The following KAZN variants were observed in gnomAD, a reference collection of about 807,000 sequenced individuals.
The protein encoded by KAZN is kazrin, periplakin interacting protein.
A neutral mutation model predicts 87.4 loss-of-function variants in KAZN; 40 were observed. That is an observed-to-expected ratio of 0.46 (90% CI 0.36 to 0.60). The LOEUF (loss-of-function observed/expected upper bound fraction) is 0.60, where lower values mean the gene tolerates loss of function less well. Ranked by LOEUF, KAZN falls within the 20% of genes least tolerant of loss-of-function variation. The pLI, the probability that KAZN is intolerant of heterozygous loss-of-function variation, is 0.00. For synonymous variants in KAZN, 466 were observed against 458.3 expected, an observed-to-expected ratio of 1.02 and a Z score of -0.22; for missense variants, 898 against 1,073.9, an observed-to-expected ratio of 0.84 and a Z score of 2.29.
intron 1 of KAZN, among the ~76,000 whole-genome samples, chr1:14,163,364 T>G (rs1258489085): frequency 6.6e-6 from 1 of 152,174 alleles, no homozygotes; most frequent in Non-Finnish European, 1.5e-5. Flanking sequence ...TTTGTGTTTC[T>G]TCTCTCTTGA....
At chr1:14,370,845 T>C (rs1571423925) in intron 2 of KAZN, among the ~76,000 whole-genome samples, 1 of 152,168 alleles carries the variant, frequency 6.6e-6, no homozygotes, top group Non-Finnish European at 1.5e-5. Flanking sequence ...CTACCACGCC[T>C]GGCTAATTTT....
chr1:14,357,756 C>T (rs1659160602), intron 2 of KAZN, among the ~76,000 whole-genome samples: 1 of 152,174 alleles, frequency 6.6e-6, no homozygotes, highest in Non-Finnish European at 1.5e-5. Flanking sequence ...ACCAGCCTTG[C>T]ATCCCAGGGA....
chr1:14,623,220 C>G (rs1678852035), intron 1 of KAZN, among the ~76,000 whole-genome samples: 1 of 152,170 alleles, frequency 6.6e-6, no homozygotes, highest in Non-Finnish European at 1.5e-5. Context: ...ATGGAATCCA[C>G]TTAAATGTCA....
intron 1 of KAZN, among the ~76,000 whole-genome samples, chr1:14,920,383 C>A (rs1427605455): frequency 6.6e-6 from 1 of 151,454 alleles, no homozygotes; most frequent in African/African-American, 2.4e-5. Flanking sequence ...TCCCCACCCC[C>A]TGTCTGGACT....
chr1:14,117,092 C>G (rs12022936), intron 1 of KAZN, among the ~76,000 whole-genome samples: 1 of 152,088 alleles, frequency 6.6e-6, no homozygotes, highest in Admixed American at 6.5e-5. Context: ...GATGAGACTT[C>G]GGACTGTGGA....
At position 14,737,449 on chromosome 1, in the gene KAZN, A is replaced by G. The variant is rs574393306; in HGVS notation, c.226+138226A>G. ...GATATACAGGGAGAAGCAGGCACAGAAACCACAAGGCTCTAAGGGGAGAGG... is the reference window on the plus strand; with the variant it reads ...GATATACAGGGAGAAGCAGGCACAGGAACCACAAGGCTCTAAGGGGAGAGG... On this transcript the variant is annotated intron_variant, in intron 1 of 14. Coordinates refer to ENST00000376030, the MANE Select transcript of KAZN (RefSeq NM_201628.3). Among the ~76,000 whole-genome samples the G allele has an allele frequency of 1.8e-4, 27 of 152,326 alleles. No individual in the cohort carries two copies. In the South Asian group the frequency reaches 5.6e-3, roughly 32 times the overall value.
At chr1:14,406,985 C>T (rs371469867) in intron 2 of KAZN, among the ~76,000 whole-genome samples, 6 of 152,240 alleles carry the variant, frequency 3.9e-5, no homozygotes, top group Admixed American at 6.5e-5. Context: ...AGCTGTGTAC[C>T]GAATGAATTT....
chr1:14,846,470 T>C (rs1056183130), intron 1 of KAZN, among the ~76,000 whole-genome samples: 2 of 152,044 alleles, frequency 1.3e-5, no homozygotes, highest in African/African-American at 4.8e-5. Context: ...ATCATGTCAC[T>C]GGTTGCTTTC....
intron 11 of KAZN, among the ~76,000 whole-genome samples, chr1:15,102,771 G>C (rs1641123533): frequency 6.6e-6 from 1 of 152,214 alleles, no homozygotes; most frequent in Admixed American, 6.5e-5. Flanking sequence ...GCCAAACATG[G>C]GTTTTCATTC....
intron 2 of KAZN, among the ~76,000 whole-genome samples, chr1:14,294,567 C>A (rs1653970838): frequency 6.6e-6 from 1 of 151,160 alleles, no homozygotes; most frequent in Non-Finnish European, 1.5e-5. Flanking sequence ...TAAGGAAAGA[C>A]CTGAAATTCA....
intron 1 of KAZN, among the ~76,000 whole-genome samples, chr1:14,828,247 AAAC>A (rs1646954394): frequency 6.6e-6 from 1 of 152,260 alleles, no homozygotes; most frequent in South Asian, 2.1e-4. Flanking sequence ...AAAAAGGAGA[AAAC>A]AACATAAAAT....
At chr1:14,409,082 G>A (rs567669811) in intron 2 of KAZN, among the ~76,000 whole-genome samples, 3 of 152,250 alleles carry the variant, frequency 2.0e-5, no homozygotes, top group Admixed American at 6.5e-5. Flanking sequence ...GAGAACTTTC[G>A]GAAAGACTAG....
intron 1 of KAZN, among the ~76,000 whole-genome samples, chr1:13,910,556 C>T (rs1639616252): frequency 6.6e-6 from 1 of 151,802 alleles, no homozygotes; most frequent in Non-Finnish European, 1.5e-5. Context: ...CCTGCTTCAC[C>T]ATATAAAGTT....
intron 1 of KAZN, among the ~76,000 whole-genome samples, chr1:14,701,671 C>A (rs890579944): frequency 6.6e-6 from 1 of 152,150 alleles, no homozygotes; most frequent in Non-Finnish European, 1.5e-5. Context: ...GTGATGAGCA[C>A]CTGTAGTCCC....
At chr1:14,232,362 C>T (rs751264379) in intron 2 of KAZN, among the ~76,000 whole-genome samples, 9 of 152,112 alleles carry the variant, frequency 5.9e-5, no homozygotes, top group Non-Finnish European at 1.2e-4. Flanking sequence ...AGTAAATTAT[C>T]CTCTCATTCC....
Position 14,782,838 on chromosome 1 carries a change from G to A in KAZN, c.227-177846G>A, listed in dbSNP as rs150920243. On this transcript the variant is annotated intron_variant, in intron 1 of 14. Coordinates refer to ENST00000376030, the MANE Select transcript of KAZN (RefSeq NM_201628.3). ...AGGGTAGAGGCATCCCCCCAACCTC[G>A]CTGCAAATGTTTTCATTACAGATTA... 6.2e-4 allele frequency among the ~76,000 whole-genome samples: 95 copies of A among 152,190 alleles called. No individual in the cohort carries two copies. In the East Asian group the frequency reaches 0.015, roughly 25 times the overall value.
intron 2 of KAZN, among the ~76,000 whole-genome samples, chr1:14,456,938 G>T (rs1158092785): frequency 6.6e-6 from 1 of 152,056 alleles, no homozygotes. Context: ...AAATTAGCTG[G>T]GCCTGGTGGT....
intron 1 of KAZN, among the ~76,000 whole-genome samples, chr1:14,794,268 A>G (rs1432163358): frequency 6.6e-6 from 1 of 152,200 alleles, no homozygotes; most frequent in Non-Finnish European, 1.5e-5. Context: ...TTAGGACGCA[A>G]AAGAGATGTG....
At position 14,500,022 on chromosome 1, in the gene KAZN, T is replaced by C. The variant is rs184742857; in HGVS notation, c.250-98961T>C. Among the ~76,000 whole-genome samples the C allele has an allele frequency of 7.2e-5, 11 of 152,346 alleles. No individual in the cohort carries two copies. In the East Asian group the frequency reaches 2.1e-3, roughly 29 times the overall value. On this transcript the variant is annotated intron_variant, in intron 2 of 16. Transcript: ENST00000636203. ...GAAAAACGTGAATAGAATAAGTGAA[T>C]TCATATAATAATGAATTAAGTTGCA...
Sources: allele counts gnomAD v4.1 joint callset (sites outside exome capture counted in the v4.1 genomes callset), GRCh38; gene constraint gnomAD v4.1.1; transcripts MANE v1.5; gene names NCBI Gene and HGNC (gene_info 2026-07-23, HGNC 2026-07-21).